Variants in RYR3 observed in about 807,000 individuals in gnomAD.
RYR3 encodes the protein brain ryanodine receptor-calcium release channel.
Under a neutral mutation model 584.3 loss-of-function variants are expected in RYR3, and 207 were observed. That is an observed-to-expected ratio of 0.35 (90% CI 0.32 to 0.40). The LOEUF is 0.40. Ranked by LOEUF, RYR3 falls within the 10% of genes least tolerant of loss-of-function variation. The probability of loss-of-function intolerance (pLI) is 1.00; values close to 1 mark genes in which losing one functional copy is unlikely to be tolerated. For missense variants in RYR3, 5,616 were observed against 6,089.2 expected, an observed-to-expected ratio of 0.92 and a Z score of 2.59; for synonymous variants, 2,416 against 2,248.5, an observed-to-expected ratio of 1.07 and a Z score of -2.11.
chr15:33,647,895 G>C (rs150174065), intron 30 of RYR3, among the ~76,000 whole-genome samples: 2 of 149,876 alleles, frequency 1.3e-5, no homozygotes, highest in African/African-American at 2.4e-5. Flanking sequence ...AGAAGCCATC[G>C]CAGAAGATGG....
intron 1 of RYR3, among the ~76,000 whole-genome samples, chr15:33,442,633 G>A (rs2046325576): frequency 6.6e-6 from 1 of 152,214 alleles, no homozygotes; most frequent in Non-Finnish European, 1.5e-5. Context: ...TCAGCAGGTT[G>A]CACATGGCCT....
At chr15:33,689,456 C>T (rs965910557) in intron 38 of RYR3, among the ~76,000 whole-genome samples, 6 of 152,162 alleles carry the variant, frequency 3.9e-5, no homozygotes, top group African/African-American at 1.4e-4. Context: ...CACAGATGCA[C>T]ACACACATAC....
intron 18 of RYR3, among the ~76,000 whole-genome samples, chr15:33,608,397 G>A (rs1795600015): frequency 6.6e-6 from 1 of 152,154 alleles, no homozygotes; most frequent in Non-Finnish European, 1.5e-5. Context: ...GCCCTCACAG[G>A]GGTGGAGATT....
At chr15:33,629,463 A>C (rs1383885602) in intron 21 of RYR3, among the ~76,000 whole-genome samples, 1 of 152,264 alleles carries the variant, frequency 6.6e-6, no homozygotes, top group Admixed American at 6.5e-5. Context: ...GTTAAACAAA[A>C]CACATTAATT....
intron 1 of RYR3, among the ~76,000 whole-genome samples, chr15:33,321,324 TC>T (rs1215971588): frequency 6.6e-6 from 1 of 152,216 alleles, no homozygotes. Flanking sequence ...TAAAGCTTGA[TC>T]CTTGCTACAT....
chr15:33,830,056 C>G (rs965521438), intron 85 of RYR3, among the ~76,000 whole-genome samples: 3 of 152,166 alleles, frequency 2.0e-5, no homozygotes, highest in Non-Finnish European at 4.4e-5. Context: ...ATGCTCTAAA[C>G]ATTGTTGAAA....
At chr15:33,670,590 C>T (rs1345866959) in intron 38 of RYR3, 34 bp downstream of exon 38, 2 of 1,523,222 alleles carry the variant, frequency 1.3e-6, no homozygotes, top group African/African-American at 1.4e-5. Flanking sequence ...ACAGTGTGCT[C>T]TTCTAAGACT....
chr15:33,577,784 A>C (rs142633830), intron 12 of RYR3, among the ~76,000 whole-genome samples: 1 of 152,170 alleles, frequency 6.6e-6, no homozygotes, highest in South Asian at 2.1e-4. Flanking sequence ...CAATTAAACT[A>C]AAGAGCTTCT....
At chr15:33,482,234 T>C (rs963873407) in intron 2 of RYR3, among the ~76,000 whole-genome samples, 2 of 152,096 alleles carry the variant, frequency 1.3e-5, no homozygotes, top group Admixed American at 6.5e-5. Flanking sequence ...TAGTTTTTTT[T>C]CTTCTTCTTG....
At chr15:33,677,666 T>C (rs1296961614) in intron 38 of RYR3, among the ~76,000 whole-genome samples, 2 of 152,196 alleles carry the variant, frequency 1.3e-5, no homozygotes, top group Non-Finnish European at 2.9e-5. Flanking sequence ...GATATGGGTA[T>C]CTGTATCTGT....
intron 60 of RYR3, among the ~76,000 whole-genome samples, chr15:33,768,400 A>G (rs12906584): frequency 0.17 from 26,615 of 152,152 alleles, 2,820 homozygotes; most frequent in African/African-American, 0.3. Flanking sequence ...GCAAAATACT[A>G]TAACTGTTTC....
intron 2 of RYR3, among the ~76,000 whole-genome samples, chr15:33,476,590 A>G (rs765632045): frequency 9.2e-5 from 14 of 152,072 alleles, no homozygotes; most frequent in Non-Finnish European, 1.3e-4. Context: ...ATATTGCTAT[A>G]TGGTCTTCAT....
chr15:33,683,544 G>T (rs762218970), intron 38 of RYR3, among the ~76,000 whole-genome samples: 7 of 152,192 alleles, frequency 4.6e-5, no homozygotes, highest in African/African-American at 9.7e-5. Flanking sequence ...GAACAGCTCT[G>T]GTCTGCAGCT....
chr15:33,678,695 G>A (rs2064358537), intron 38 of RYR3, among the ~76,000 whole-genome samples: 1 of 152,210 alleles, frequency 6.6e-6, no homozygotes, highest in Admixed American at 6.5e-5. Flanking sequence ...CCTGAGATGT[G>A]TCCTGCTGTT....
chr15:33,653,724 G>A (rs761456009), intron 32 of RYR3, among the ~76,000 whole-genome samples: 3 of 151,530 alleles, frequency 2.0e-5, no homozygotes, highest in African/African-American at 4.9e-5. Context: ...TTCCTGGACC[G>A]TGAACTTCCA....
At chr15:33,813,442 A>C (rs1489654932) in intron 73 of RYR3, 25 bp from the exon 74 acceptor site, 2 of 1,590,138 alleles carry the variant, frequency 1.3e-6, no homozygotes, top group Admixed American at 3.3e-5. Flanking sequence ...CCTAATGTGC[A>C]CCAACCGATG....
chr15:33,864,915 A>AT (rs1889945773), intron 103 of RYR3: 1 of 501,546 alleles, frequency 2.0e-6, no homozygotes, highest in Non-Finnish European at 3.5e-6. Flanking sequence ...GCAGAGGGGG[A>AT]TTTTTCTCCT....
chr15:33,745,765 A>T (rs932796321), intron 52 of RYR3, among the ~76,000 whole-genome samples: 1 of 152,146 alleles, frequency 6.6e-6, no homozygotes, highest in African/African-American at 2.4e-5. Flanking sequence ...GAGTACTCTA[A>T]CCTGAGAAGC....
At chr15:33,414,917 C>T (rs2043687682) in intron 1 of RYR3, among the ~76,000 whole-genome samples, 2 of 152,120 alleles carry the variant, frequency 1.3e-5, no homozygotes, top group Non-Finnish European at 2.9e-5. Context: ...TGTGGTTTAT[C>T]AATAACCTGC....
Sources: gnomAD v4.1 joint callset for allele counts (sites outside exome capture counted in the v4.1 genomes callset) on GRCh38, gnomAD v4.1.1 for gene constraint, MANE v1.5 for transcripts, NCBI Gene and HGNC (gene_info 2026-07-23, HGNC 2026-07-21) for gene names.